Variants in NGDN observed in about 807,000 individuals in gnomAD.
NGDN encodes the protein neuroguidin, also known as EIF4E-binding protein.
NGDN carries 41 observed loss-of-function variants against 45.2 expected under a neutral mutation model. The observed-to-expected ratio is 0.91, with a 90% confidence interval of 0.71 to 1.18. NGDN has a LOEUF of 1.18. NGDN is among the 50% of genes most tolerant of loss of function. The pLI, the probability that NGDN is intolerant of heterozygous loss-of-function variation, is 0.00. For missense variants in NGDN, 402 were observed against 399.9 expected, an observed-to-expected ratio of 1.01 and a Z score of -0.05; for synonymous variants, 137 against 130.9, an observed-to-expected ratio of 1.05 and a Z score of -0.32.
At chr14:23,470,122 A>C (rs769231810) in intron 2 of NGDN, 21 bp downstream of exon 2, 5 of 1,609,098 alleles carry the variant, frequency 3.1e-6, no homozygotes, top group Non-Finnish European at 3.4e-6. Context: ...TCGCCTCTGG[A>C]ATAAATTAGT....
At chr14:23,477,666 T>C in intron 10 of NGDN, 106 bp downstream of exon 10, 1 of 1,559,244 alleles carries the variant, frequency 6.4e-7, no homozygotes, top group Non-Finnish European at 8.7e-7. Context: ...GTAGTATCTC[T>C]TCCATACTGG....
chr14:23,475,759 C>A lies in NGDN; in HGVS notation c.401C>A (p.Pro134His), dbSNP rs764549944. The change falls in exon 6 of 11, where the codon CCC becomes CAC. Residue 134 changes from proline (P) to histidine (H), a missense_variant. Coordinates refer to ENST00000408901, the MANE Select transcript of NGDN (RefSeq NM_001042635.2). The part of the protein sequence containing the change: ...ENDPLRFKPH[P>H]SNMMSKLSSE... ...GACCCACTTCGTTTTAAGCCTCATC[C>A]CAGCAATATGATGAGCAAGGTAAGG... 1.2e-6 allele frequency: 2 copies of A among 1,613,166 alleles called. No homozygotes were observed. Among genetic ancestry groups the A allele is most frequent in the Non-Finnish European group, 1.7e-6 (2 of 1,179,972 alleles).
At chr14:23,471,118 A>G in intron 3 of NGDN, 141 bp downstream of exon 3, 1 of 513,670 alleles carries the variant, frequency 1.9e-6, no homozygotes, top group African/African-American at 2.0e-5. Flanking sequence ...TGAAGTCTAG[A>G]GGGAAGACAA....
chr14:23,471,067 G>A (rs1893767030), intron 3 of NGDN, 90 bp downstream of exon 3: 4 of 848,940 alleles, frequency 4.7e-6, no homozygotes, highest in African/African-American at 1.8e-5. Context: ...TATATCCTAA[G>A]TGCTCGAGCT....
intron 3 of NGDN, among the ~76,000 whole-genome samples, chr14:23,472,113 A>T (rs1893791977): frequency 7.1e-6 from 1 of 141,396 alleles, no homozygotes; most frequent in South Asian, 2.4e-4. Context: ...TGAGCCCAGG[A>T]GGTCGAGGCT....
chr14:23,470,676 T>C (rs1028586), intron 2 of NGDN, among the ~76,000 whole-genome samples: 113,143 of 152,036 alleles, frequency 0.74, 42,839 homozygotes, highest in Non-Finnish European at 0.83. Context: ...TTCTCCTCCC[T>C]GTGGTTCAGT....
chr14:23,472,509 AAAC>A (rs1163306896), intron 3 of NGDN, among the ~76,000 whole-genome samples: 5 of 152,236 alleles, frequency 3.3e-5, no homozygotes, highest in Non-Finnish European at 7.3e-5. Flanking sequence ...GAAAAAAACA[AAAC>A]AACAACAATT....
chr14:23,471,091 T>A, intron 3 of NGDN, 114 bp downstream of exon 3: 1 of 643,292 alleles, frequency 1.6e-6, no homozygotes, highest in Non-Finnish European at 2.5e-6. Flanking sequence ...AACATAAATA[T>A]GATCCAGTTT....
rs770587364 is a variant in NGDN, at chr14:23,475,652, G to A, written c.367+10G>A. ...GTGACAGGCAGCCTTAGTAAGTGAG[G>A]AGACCATCATGAAGTTGTGGGGACC... On this transcript the variant is annotated intron_variant, in intron 5 of 10. Coordinates refer to ENST00000408901, the MANE Select transcript of NGDN (RefSeq NM_001042635.2). 1.2e-5 allele frequency: 20 copies of A among 1,614,006 alleles called. No individual in the cohort carries two copies. The highest frequency in any genetic ancestry group is 1.7e-5 in the Non-Finnish European group (20 of 1,179,852).
At chr14:23,472,471 G>C (rs548162580) in intron 3 of NGDN, among the ~76,000 whole-genome samples, 78 of 152,264 alleles carry the variant, frequency 5.1e-4, no homozygotes, top group African/African-American at 1.8e-3. Context: ...CTGTGCTGCA[G>C]CCTGGGCAGC....
Position 23,477,331 on chromosome 14 carries a change from CA to C in NGDN, c.846del (p.Gly284GlufsTer?). 2.5e-6 allele frequency: 4 copies of C among 1,614,176 alleles called. No homozygotes were observed. Among genetic ancestry groups the C allele is most frequent in the East Asian group, 4.5e-5 (2 of 44,884 alleles). On this transcript the variant is annotated frameshift_variant, in exon 9 of 11. Transcript: ENST00000408901. LOFTEE classifies it high-confidence loss of function. ...CACTTCAGTGACATCAGTGCTTTGACAGGGGGAACTGTTCATCTTGATGAGG... is the reference window on the plus strand; with the variant it reads ...CACTTCAGTGACATCAGTGCTTTGACGGGGGAACTGTTCATCTTGATGAGG... ...LTHFSDISAL[T>X]GGTVHLDEDQ... is the part of the protein sequence containing the mutation.
rs546924789 is a variant in NGDN, at chr14:23,475,623, T to G, written c.348T>G (p.Thr116=). ...LKYQIDKLIK[T]AVTGSLSEND... is the part of the protein sequence containing the mutation. ...ATCAAATTGACAAGCTGATCAAGAC[T>G]GCAGTGACAGGCAGCCTTAGTAAGT... The change falls in exon 5 of 11, where the codon ACT becomes ACG. Residue 116 remains threonine, a synonymous_variant. Transcript: ENST00000408901. 1 of 1,614,240 alleles carries G rather than the reference T, an allele frequency of 6.2e-7. No homozygotes were observed. The highest frequency in any genetic ancestry group is 1.7e-5 in the Admixed American group (1 of 60,036).
chr14:23,475,372 C>T lies in NGDN; in HGVS notation c.282+64C>T, dbSNP rs1595106885. The T allele has an allele frequency of 4.0e-6, 6 of 1,489,350 alleles. No homozygotes were observed. In the South Asian group the frequency reaches 6.2e-5, roughly 15 times the overall value. The allele number at this position is 1,489,350 out of a possible 1,614,324, so 92.3% of individuals were successfully genotyped here. On this transcript the variant is annotated intron_variant, in intron 4 of 10. Coordinates refer to ENST00000408901, the MANE Select transcript of NGDN (RefSeq NM_001042635.2). ...AATTTTGAGCTCCAAGGGTATCACA[C>T]AGTAGCTCTCATTTAAGTGAGTCTT...
At chr14:23,469,841 G>A (rs1893730779) in intron 1 of NGDN, 114 bp downstream of exon 1, 1 of 1,435,972 alleles carries the variant, frequency 7.0e-7, no homozygotes, top group Non-Finnish European at 9.7e-7. Context: ...AGTTGCTTCA[G>A]GGAGGCGGCC....
rs928859051 is a variant in NGDN, at chr14:23,469,977, G to A, written c.13-65G>A. On this transcript the variant is annotated intron_variant, in intron 1 of 10. Transcript: ENST00000408901. ...GAGAGGGCAGTTTCCCACCCTAGAC[G>A]TTCCACTTTCCTATAATCCTGAGGA... 38 of 1,562,534 alleles carry A rather than the reference G, an allele frequency of 2.4e-5. No individual in the cohort carries two copies. In the East Asian group the frequency reaches 7.2e-4, roughly 30 times the overall value.
intron 10 of NGDN, 88 bp downstream of exon 10, chr14:23,477,648 C>A (rs909600765): frequency 2.4e-5 from 38 of 1,588,048 alleles, no homozygotes; most frequent in Non-Finnish European, 3.1e-5. Context: ...TGGGTCTCAC[C>A]AAGCCCTGTA....
At position 23,476,039 on chromosome 14, in the gene NGDN, A is replaced by G. The variant is rs1459244649; in HGVS notation, c.431A>G (p.Glu144Gly). 6.2e-7 allele frequency: 1 copy of G among 1,614,142 alleles called. No homozygotes were observed. The highest frequency in any genetic ancestry group is 8.5e-7 in the Non-Finnish European group (1 of 1,180,006). ...PSNMMSKLSSEDEEEDEAEDD... is the reference protein window; with the variant it reads ...PSNMMSKLSSGDEEEDEAEDD... ...TTGTTTCTTTTGTAGTTGAGCTCTG[A>G]GGATGAGGAGGAAGATGAAGCAGAA... The change falls in exon 7 of 11, where the codon GAG becomes GGG. Residue 144 changes from glutamate (E) to glycine (G), a missense_variant. Glu to Gly is a moderately conservative substitution (Grantham distance 98, BLOSUM62 -2). Transcript: ENST00000408901.
chr14:23,476,179 A>G (rs772158625), intron 7 of NGDN, 27 bp downstream of exon 7: 6 of 1,614,114 alleles, frequency 3.7e-6, no homozygotes, highest in Non-Finnish European at 4.2e-6. Context: ...CTGCCTCCTC[A>G]GCATGAACTG....
intron 4 of NGDN, 24 bp from the exon 5 acceptor site, chr14:23,475,534 T>C (rs768630222): frequency 6.2e-7 from 1 of 1,609,176 alleles, no homozygotes; most frequent in Admixed American, 1.7e-5. Context: ...GGAAATATAA[T>C]CCTGATTAAC....
Sources: gnomAD v4.1 joint callset for allele counts (sites outside exome capture counted in the v4.1 genomes callset) on GRCh38, gnomAD v4.1.1 for gene constraint, MANE v1.5 for transcripts, NCBI Gene and HGNC (gene_info 2026-07-23, HGNC 2026-07-21) for gene names.